The following DMC1 variants were observed in gnomAD, a reference collection of about 807,000 sequenced individuals.
DMC1 encodes meiotic recombination protein DMC1 homolog.
DMC1 carries 27 observed loss-of-function variants against 50.1 expected under a neutral mutation model. The ratio of observed to expected loss-of-function variants is 0.54; its 90% CI spans 0.40 to 0.74. The LOEUF (loss-of-function observed/expected upper bound fraction) is 0.74, where lower values mean the gene tolerates loss of function less well. DMC1 is among the 30% of genes least tolerant of loss of function. The pLI, the probability that DMC1 is intolerant of heterozygous loss-of-function variation, is 0.00. For synonymous variants in DMC1, 148 were observed against 136.1 expected, an observed-to-expected ratio of 1.09 and a Z score of -0.61; for missense variants, 295 against 420.2, an observed-to-expected ratio of 0.70 and a Z score of 2.60.
At chr22:38,529,647 A>G (rs1175090089) in intron 12 of DMC1, among the ~76,000 whole-genome samples, 2 of 152,184 alleles carry the variant, frequency 1.3e-5, no homozygotes, top group African/African-American at 4.8e-5. Context: ...GATGGGGAAG[A>G]TGGTACAGTG....
intron 5 of DMC1, among the ~76,000 whole-genome samples, chr22:38,559,730 C>T (rs1176018432): frequency 6.6e-6 from 1 of 152,006 alleles, no homozygotes; most frequent in Non-Finnish European, 1.5e-5. Flanking sequence ...AGATAATAAA[C>T]ACAAATAGGC....
chr22:38,511,537 C>T, the DMC1 span, among the ~76,000 whole-genome samples: 3 of 152,034 alleles, frequency 2.0e-5, no homozygotes, highest in Admixed American at 1.3e-4. Context: ...CTGCAGTGAG[C>T]TATGCTTGCC....
In DMC1 at chr22:38,552,078, G is replaced by A. The variant is rs1397993723; in HGVS notation, c.421+588C>T. On this transcript the variant is annotated intron_variant, in intron 7 of 13. Transcript: ENST00000216024. ...GGGTTTCACCGTGTTAGCCAGGATG[G>A]TCTGGATCTCCTGACCTTGTGATCC... Among the ~76,000 whole-genome samples, 6 of 151,278 alleles carry A rather than the reference G, an allele frequency of 4.0e-5. No homozygotes were observed. In the South Asian group the frequency reaches 1.3e-3, roughly 32 times the overall value.
Position 38,538,418 on chromosome 22 carries a change from G to C in DMC1, c.661-9C>G. ...ATTATTGAATCGATAATCTACACAGGATTAATGTAAAAATAAACATGCATT... is the reference window on the plus strand; with the variant it reads ...ATTATTGAATCGATAATCTACACAGCATTAATGTAAAAATAAACATGCATT... On this transcript the variant is annotated splice_polypyrimidine_tract_variant and intron_variant, in intron 10 of 13. Transcript: ENST00000216024. 6.2e-7 allele frequency: 1 copy of C among 1,612,954 alleles called. No homozygotes were observed. Among genetic ancestry groups the C allele is most frequent in the Non-Finnish European group, 8.5e-7 (1 of 1,178,962 alleles).
intron 12 of DMC1, among the ~76,000 whole-genome samples, chr22:38,533,511 C>T (rs1251848049): frequency 6.6e-6 from 1 of 151,736 alleles, no homozygotes; most frequent in Non-Finnish European, 1.5e-5. Flanking sequence ...GAGACACATT[C>T]ATTTCAATGT....
In DMC1 at chr22:38,562,271, A is replaced by C; in HGVS notation, c.326+16T>G. 1 of 1,551,842 alleles carries C rather than the reference A, an allele frequency of 6.4e-7. No individual in the cohort carries two copies. Among genetic ancestry groups the C allele is most frequent in the Non-Finnish European group, 8.9e-7 (1 of 1,123,888 alleles). On this transcript the variant is annotated intron_variant, in intron 5 of 13. Transcript: ENST00000216024. Reference sequence around the variant, plus strand: ...AAAGATTATGCTTAGTGATTATAAAAAAGTAAGATACATACTCAAATTCCT... The same window carrying C: ...AAAGATTATGCTTAGTGATTATAAACAAGTAAGATACATACTCAAATTCCT...
intron 6 of DMC1, among the ~76,000 whole-genome samples, chr22:38,553,989 A>G (rs1043595094): frequency 6.9e-6 from 1 of 145,770 alleles, no homozygotes; most frequent in Admixed American, 6.8e-5. Flanking sequence ...AAAATCAGCC[A>G]GGCGTGGTGG....
intron 12 of DMC1, among the ~76,000 whole-genome samples, chr22:38,533,080 T>A (rs2090170612): frequency 6.6e-6 from 1 of 152,056 alleles, no homozygotes; most frequent in Non-Finnish European, 1.5e-5. Flanking sequence ...CTCTTGTAAC[T>A]AAGTAGAAAA....
chr22:38,515,166 T>G (rs1473712103), downstream of DMC1, among the ~76,000 whole-genome samples: 2 of 149,892 alleles, frequency 1.3e-5, no homozygotes, highest in African/African-American at 4.9e-5. Flanking sequence ...GTGCCTAGCC[T>G]GAAGGCAAGT....
intron 12 of DMC1, among the ~76,000 whole-genome samples, chr22:38,527,516 CTTTTTTTTTTTT>C (rs891065117): frequency 3.1e-5 from 4 of 127,284 alleles, no homozygotes; most frequent in African/African-American, 1.2e-4. Context: ...CCTTTTTCTC[CTTTTTTTTTTTT>C]TTTTTTTTGA....
intron 8 of DMC1, 25 bp downstream of exon 8, chr22:38,549,900 T>C (rs765109930): frequency 6.4e-7 from 1 of 1,555,714 alleles, no homozygotes; most frequent in Admixed American, 1.7e-5. Flanking sequence ...ACTATTATGT[T>C]AGCAACTTTA....
the DMC1 span, among the ~76,000 whole-genome samples, chr22:38,513,574 C>T: frequency 1.3e-5 from 2 of 152,018 alleles, no homozygotes; most frequent in Non-Finnish European, 2.9e-5. Flanking sequence ...CTCTCTCTTT[C>T]TTTTTTCTTT....
At chr22:38,551,691 A>C (rs749319494) in intron 7 of DMC1, among the ~76,000 whole-genome samples, 2 of 152,010 alleles carry the variant, frequency 1.3e-5, no homozygotes, top group Admixed American at 6.6e-5. Context: ...AGGTACATAC[A>C]TTATTTCATT....
At chr22:38,524,277 G>T (rs919512015) in intron 12 of DMC1, among the ~76,000 whole-genome samples, 4 of 152,064 alleles carry the variant, frequency 2.6e-5, no homozygotes, top group Non-Finnish European at 1.5e-5. Context: ...AGCTGGGTGT[G>T]GTGGCGTGCA....
intron 6 of DMC1, among the ~76,000 whole-genome samples, chr22:38,554,463 A>C (rs1397796303): frequency 6.6e-6 from 1 of 151,276 alleles, no homozygotes; most frequent in Non-Finnish European, 1.5e-5. Context: ...AAAAAAAAAC[A>C]GATTTAGTTC....
intron 8 of DMC1, among the ~76,000 whole-genome samples, chr22:38,546,346 A>C (rs1210221401): frequency 6.6e-6 from 1 of 151,974 alleles, no homozygotes; most frequent in Non-Finnish European, 1.5e-5. Flanking sequence ...CCGAGATCGC[A>C]CCATTGCACT....
intron 11 of DMC1, among the ~76,000 whole-genome samples, chr22:38,538,054 G>T (rs1039307364): frequency 1.3e-5 from 2 of 152,064 alleles, no homozygotes; most frequent in Non-Finnish European, 2.9e-5. Context: ...TAAGGAGGAA[G>T]AATTGCTTGA....
At chr22:38,518,220 C>T (rs573028898), downstream of DMC1, among the ~76,000 whole-genome samples, 4 of 152,284 alleles carry the variant, frequency 2.6e-5, no homozygotes, top group South Asian at 8.3e-4. Context: ...GATCCACCCA[C>T]CTCGGCCTCT....
chr22:38,569,502 CG>C (rs1284681500), intron 1 of DMC1: 1 of 152,160 alleles, frequency 6.6e-6, no homozygotes, highest in African/African-American at 2.4e-5. Flanking sequence ...ATGGGATCTT[CG>C]GGGACACTGT....
Sources: allele counts gnomAD v4.1 joint callset (sites outside exome capture counted in the v4.1 genomes callset), GRCh38; gene constraint gnomAD v4.1.1; transcripts MANE v1.5; gene names NCBI Gene and HGNC (gene_info 2026-07-23, HGNC 2026-07-21).